The following ZNF536 variants were observed in gnomAD, a reference collection of about 807,000 sequenced individuals.
ZNF536 encodes the protein zinc finger protein 536.
Under a neutral mutation model 84.5 loss-of-function variants are expected in ZNF536, and 13 were observed. That is an observed-to-expected ratio of 0.15 (90% confidence interval 0.10 to 0.24). The LOEUF is 0.24. Ranked by LOEUF, ZNF536 falls within the 10% of genes least tolerant of loss-of-function variation. ZNF536 has a pLI of 1.00. For synonymous variants in ZNF536, 811 were observed against 742.5 expected (o/e 1.09, Z -1.50); for missense variants, 1,536 against 1,747.5 (o/e 0.88, Z 2.16).
intron 2 of ZNF536, among the ~76,000 whole-genome samples, chr19:30,469,181 G>A (rs189547427): frequency 1.5e-3 from 227 of 152,282 alleles, no homozygotes; most frequent in Middle Eastern, 6.8e-3. Context: ...TTGGGAGGCC[G>A]AGGCAGGTGG....
intron 1 of ZNF536, among the ~76,000 whole-genome samples, chr19:30,635,404 G>A (rs2049031296): frequency 6.6e-6 from 1 of 152,190 alleles, no homozygotes; most frequent in Admixed American, 6.5e-5. Context: ...AACAAAGAGA[G>A]GGAGAGTGTG....
At chr19:30,235,043 C>A (rs966802211) in intron 1 of ZNF536, among the ~76,000 whole-genome samples, 1 of 152,184 alleles carries the variant, frequency 6.6e-6, no homozygotes, top group African/African-American at 2.4e-5. Flanking sequence ...AGGTTTGGGG[C>A]TCTTCGGTGT....
At chr19:30,232,337 G>A (rs562692082) in intron 1 of ZNF536, among the ~76,000 whole-genome samples, 14 of 152,038 alleles carry the variant, frequency 9.2e-5, no homozygotes, top group Non-Finnish European at 1.3e-4. Context: ...TTGCTATATG[G>A]GTACATTGTG....
chr19:30,517,766 A>G (rs1053856453), intron 2 of ZNF536, among the ~76,000 whole-genome samples: 3 of 152,152 alleles, frequency 2.0e-5, no homozygotes, highest in African/African-American at 7.2e-5. Flanking sequence ...TGGGCAACAG[A>G]GCAAGATCCT....
intron 4 of ZNF536, chr19:30,555,387 C>T (rs1016328070): frequency 4.6e-5 from 7 of 152,214 alleles, no homozygotes; most frequent in African/African-American, 1.7e-4. Context: ...AGGCATCAAC[C>T]TTACCTCCAT....
intron 1 of ZNF536, among the ~76,000 whole-genome samples, chr19:30,633,405 C>T (rs528400851): frequency 3.8e-4 from 58 of 152,288 alleles, no homozygotes; most frequent in African/African-American, 1.4e-3. Flanking sequence ...AAATATTTAA[C>T]TTTTTTTATA....
intron 4 of ZNF536, chr19:30,556,022 A>G (rs2045953176): frequency 6.6e-6 from 1 of 152,102 alleles, no homozygotes; most frequent in African/African-American, 2.4e-5. Flanking sequence ...GTGCTCTCAT[A>G]CCTCTTCCTT....
chr19:30,239,740 G>C (rs2023800355), intron 1 of ZNF536, among the ~76,000 whole-genome samples: 1 of 152,160 alleles, frequency 6.6e-6, no homozygotes, highest in South Asian at 2.1e-4. Context: ...TGCTCAATAG[G>C]CATCTCCTAT....
At chr19:30,446,966 T>C (rs2052381734) in intron 2 of ZNF536, among the ~76,000 whole-genome samples, 1 of 152,210 alleles carries the variant, frequency 6.6e-6, no homozygotes, top group Non-Finnish European at 1.5e-5. Flanking sequence ...TCTAGCCCTT[T>C]ATAAAGAAAG....
chr19:30,464,050 C>T (rs1331914084), intron 2 of ZNF536, among the ~76,000 whole-genome samples: 4 of 152,236 alleles, frequency 2.6e-5, no homozygotes, highest in Non-Finnish European at 5.9e-5. Flanking sequence ...AACAGAGTAG[C>T]TGCCTCATTC....
intron 1 of ZNF536, among the ~76,000 whole-genome samples, chr19:30,664,834 G>A (rs2050258161): frequency 6.6e-6 from 1 of 152,136 alleles, no homozygotes; most frequent in South Asian, 2.1e-4. Context: ...ACCCTTCCCG[G>A]CTGGGAGGGC....
In ZNF536 at chr19:30,582,145, G is replaced by T. The variant is rs181727333; in HGVS notation, c.169+32631G>T. ...CTCACTTTCAGCTCTGGAAGCTTTG[G>T]CTGGCAGCTGGGAAAACAATGTAAT... On this transcript the variant is annotated intron_variant, in intron 1 of 1. Coordinates refer to the ZNF536 transcript ENST00000592773. Among the ~76,000 whole-genome samples, 677 of 152,154 alleles carry T rather than the reference G, an allele frequency of 4.4e-3. 6 individuals are homozygous for T. The highest frequency in any genetic ancestry group is 6.8e-3 in the Middle Eastern group (2 of 294).
intron 1 of ZNF536, among the ~76,000 whole-genome samples, chr19:30,280,929 G>A (rs528697971): frequency 1.1e-4 from 17 of 152,182 alleles, no homozygotes; most frequent in African/African-American, 3.6e-4. Context: ...GTATGTCTGC[G>A]TTCAGCGGGG....
At chr19:30,278,836 CTCT>C (rs2045336085) in intron 1 of ZNF536, among the ~76,000 whole-genome samples, 1 of 152,182 alleles carries the variant, frequency 6.6e-6, no homozygotes, top group African/African-American at 2.4e-5. Context: ...CTCTGACCCC[CTCT>C]TGTCTGCTCC....
intron 1 of ZNF536, among the ~76,000 whole-genome samples, chr19:30,645,899 C>A (rs2049447483): frequency 6.6e-6 from 1 of 152,194 alleles, no homozygotes; most frequent in Admixed American, 6.5e-5. Context: ...GTTTGGCGAA[C>A]AACACGTCTG....
chr19:30,439,088 G>A (rs2051888103), intron 1 of ZNF536, among the ~76,000 whole-genome samples: 1 of 151,998 alleles, frequency 6.6e-6, no homozygotes, highest in South Asian at 2.1e-4. Flanking sequence ...CCCAGTGTAG[G>A]CATTTGTATA....
chr19:30,408,452 A>G (rs1271803357), intron 1 of ZNF536, among the ~76,000 whole-genome samples: 7 of 152,072 alleles, frequency 4.6e-5, no homozygotes, highest in Non-Finnish European at 8.8e-5. Context: ...CTCCATCTGC[A>G]TTATTTGTCC....
rs1002897995 is a variant in ZNF536 at position 30,441,311 on chromosome 19, A to G, written c.-2-2250A>G. On this transcript the variant is annotated intron_variant, in intron 1 of 4. Coordinates refer to ENST00000355537, the MANE Select transcript of ZNF536 (RefSeq NM_014717.3). ...ATTCTGAGCAATCCTGTGTGGCTTC[A>G]GGGTCATGATCCCTGTTGGCTCAGA... is the stretch of plus-strand genomic sequence containing the variant. Among the ~76,000 whole-genome samples the G allele has an allele frequency of 2.6e-5, 4 of 152,254 alleles. 1 individual carries two copies. The highest frequency in any genetic ancestry group is 2.9e-5 in the Non-Finnish European group (2 of 68,048).
At chr19:30,331,292 TAAAAAAAAAA>T (rs11324495) in intron 2 of ZNF536, among the ~76,000 whole-genome samples, 4 of 41,738 alleles carry the variant, frequency 9.6e-5, no homozygotes, top group East Asian at 9.8e-4. Context: ...CCCTGTATCT[TAAAAAAAAAA>T]AAAAAAAAAA....
Sources: gnomAD v4.1 joint callset for allele counts (sites outside exome capture counted in the v4.1 genomes callset) on GRCh38, gnomAD v4.1.1 for gene constraint, MANE v1.5 for transcripts, NCBI Gene and HGNC (gene_info 2026-07-23, HGNC 2026-07-21) for gene names.